The following SLC8A1 variants were observed in gnomAD, a reference collection of about 807,000 sequenced individuals.
The protein encoded by SLC8A1 is solute carrier family 8 member A1, also known as sodium/calcium exchanger 1.
SLC8A1 carries 18 observed loss-of-function variants against 68.3 expected under a neutral mutation model. That is an observed-to-expected ratio of 0.26 (90% confidence interval 0.18 to 0.39). SLC8A1 has a LOEUF of 0.39. Ranked by LOEUF, SLC8A1 falls within the 10% of genes least tolerant of loss-of-function variation. The pLI, the probability that SLC8A1 is intolerant of heterozygous loss-of-function variation, is 1.00. For synonymous variants in SLC8A1, 475 were observed against 415.5 expected (o/e 1.14, Z -1.74); for missense variants, 985 against 1,156.7 (o/e 0.85, Z 2.15).
chr2:40,444,881 G>C (rs1205300129), intron 1 of SLC8A1, among the ~76,000 whole-genome samples: 2 of 151,904 alleles, frequency 1.3e-5, no homozygotes, highest in Non-Finnish European at 2.9e-5. Flanking sequence ...TGACTATCTG[G>C]GCATTTAAAA....
chr2:40,274,848 G>C (rs1239592655), intron 2 of SLC8A1, among the ~76,000 whole-genome samples: 3 of 152,150 alleles, frequency 2.0e-5, no homozygotes, highest in African/African-American at 7.2e-5. Flanking sequence ...GTCTCTCTCT[G>C]TAAATGGATA....
At chr2:40,159,675 T>A (rs1048610116) in intron 6 of SLC8A1, among the ~76,000 whole-genome samples, 1 of 152,184 alleles carries the variant, frequency 6.6e-6, no homozygotes, top group South Asian at 2.1e-4. Context: ...AGAGCTTATA[T>A]GCAAATTCCA....
chr2:40,301,044 G>A (rs2071364578), intron 2 of SLC8A1, among the ~76,000 whole-genome samples: 1 of 152,100 alleles, frequency 6.6e-6, no homozygotes, highest in Non-Finnish European at 1.5e-5. Context: ...TATAGAGGAA[G>A]AAAAACGTTC....
chr2:40,354,002 A>C (rs1671919614), intron 2 of SLC8A1, among the ~76,000 whole-genome samples: 1 of 152,220 alleles, frequency 6.6e-6, no homozygotes, highest in African/African-American at 2.4e-5. Flanking sequence ...GCCAGGTTGA[A>C]CATTATACAC....
At chr2:40,265,313 A>C (rs541204794) in intron 2 of SLC8A1, among the ~76,000 whole-genome samples, 73 of 152,320 alleles carry the variant, frequency 4.8e-4, no homozygotes, top group African/African-American at 1.7e-3. Flanking sequence ...TCTAGCATTC[A>C]AACTCAGGTC....
At chr2:40,211,534 T>TG (rs1320514279) in intron 2 of SLC8A1, among the ~76,000 whole-genome samples, 4 of 152,156 alleles carry the variant, frequency 2.6e-5, no homozygotes, top group African/African-American at 9.7e-5. Flanking sequence ...AAAGGCATCT[T>TG]GGAAGATTTT....
intron 2 of SLC8A1, among the ~76,000 whole-genome samples, chr2:40,278,744 T>C (rs77933900): frequency 0.014 from 2,097 of 152,168 alleles, 49 homozygotes; most frequent in African/African-American, 0.047. Flanking sequence ...CGCTTTTCTT[T>C]CTGCATACCT....
At chr2:40,450,097 G>T (rs1288206251) in intron 1 of SLC8A1, among the ~76,000 whole-genome samples, 2 of 151,972 alleles carry the variant, frequency 1.3e-5, no homozygotes, top group Admixed American at 1.3e-4. Context: ...CACTCACAAG[G>T]CCCCAAAGAT....
intron 2 of SLC8A1, among the ~76,000 whole-genome samples, chr2:40,393,145 A>C (rs1172835855): frequency 6.6e-6 from 1 of 152,152 alleles, no homozygotes; most frequent in African/African-American, 2.4e-5. Flanking sequence ...ACAGAGTTAT[A>C]ACATGTCAAG....
At chr2:40,382,863 C>T (rs1169938134) in intron 2 of SLC8A1, among the ~76,000 whole-genome samples, 2 of 152,038 alleles carry the variant, frequency 1.3e-5, no homozygotes, top group African/African-American at 4.8e-5. Context: ...TTTTGATTAA[C>T]TACCAGGAAT....
At chr2:40,181,946 T>A (rs1326374081) in intron 2 of SLC8A1, among the ~76,000 whole-genome samples, 1 of 152,198 alleles carries the variant, frequency 6.6e-6, no homozygotes, top group Non-Finnish European at 1.5e-5. Flanking sequence ...TTTGGCTTGA[T>A]AATCAGCAGA....
At chr2:40,255,694 A>G (rs1267546099) in intron 2 of SLC8A1, among the ~76,000 whole-genome samples, 2 of 152,230 alleles carry the variant, frequency 1.3e-5, no homozygotes, top group Non-Finnish European at 2.9e-5. Flanking sequence ...GAATAATGAA[A>G]AGAGTTTGAG....
chr2:40,400,599 C>A (rs1163973918), intron 2 of SLC8A1, among the ~76,000 whole-genome samples: 1 of 152,090 alleles, frequency 6.6e-6, no homozygotes, highest in African/African-American at 2.4e-5. Flanking sequence ...GAAGGAGAAG[C>A]AGGCAGACAG....
intron 2 of SLC8A1, among the ~76,000 whole-genome samples, chr2:40,410,821 G>C (rs1363354168): frequency 1.3e-5 from 2 of 151,862 alleles, no homozygotes; most frequent in Non-Finnish European, 2.9e-5. Flanking sequence ...CTTATCTTGT[G>C]ATACTTACCA....
intron 1 of SLC8A1, among the ~76,000 whole-genome samples, chr2:40,466,609 C>T (rs140452974): frequency 2.0e-5 from 3 of 152,104 alleles, no homozygotes; most frequent in African/African-American, 4.8e-5. Flanking sequence ...TTCTATATTA[C>T]GAGGATCTTG....
intron 2 of SLC8A1, among the ~76,000 whole-genome samples, chr2:40,336,224 A>G (rs1225845093): frequency 6.6e-6 from 1 of 152,206 alleles, no homozygotes; most frequent in African/African-American, 2.4e-5. Flanking sequence ...TACAGCAACT[A>G]TCATATTGCA....
intron 2 of SLC8A1, among the ~76,000 whole-genome samples, chr2:40,400,996 A>G (rs1688563835): frequency 6.6e-6 from 1 of 152,202 alleles, no homozygotes; most frequent in Non-Finnish European, 1.5e-5. Flanking sequence ...GAGGAGGAGG[A>G]CATCTGTATC....
intron 2 of SLC8A1, among the ~76,000 whole-genome samples, chr2:40,196,953 C>G (rs1340461484): frequency 6.6e-6 from 1 of 152,034 alleles, no homozygotes; most frequent in Non-Finnish European, 1.5e-5. Flanking sequence ...CACAGAATTA[C>G]TAAGTCTGTA....
intron 2 of SLC8A1, among the ~76,000 whole-genome samples, chr2:40,182,073 T>A (rs533751990): frequency 6.6e-6 from 1 of 152,310 alleles, no homozygotes; most frequent in East Asian, 1.9e-4. Context: ...TTTTGCACTG[T>A]CACAAGGACT....
Sources: gnomAD v4.1 joint callset for allele counts (sites outside exome capture counted in the v4.1 genomes callset) on GRCh38, gnomAD v4.1.1 for gene constraint, MANE v1.5 for transcripts, NCBI Gene and HGNC (gene_info 2026-07-23, HGNC 2026-07-21) for gene names.